The following PHEX variants were observed in gnomAD, a reference collection of about 807,000 sequenced individuals.
PHEX encodes phosphate-regulating neutral endopeptidase PHEX.
In PHEX, 16 loss-of-function variants were observed where a neutral mutation model predicts 68.0. That is an observed-to-expected ratio of 0.24 (90% confidence interval 0.16 to 0.36). PHEX has a LOEUF of 0.36. Among genes scored for constraint, PHEX ranks in the 10% least tolerant of loss-of-function variants. PHEX has a pLI of 1.00. For missense variants in PHEX, 480 were observed against 575.5 expected (o/e 0.83, Z 1.70); for synonymous variants, 208 against 205.1 (o/e 1.01, Z -0.12).
intron 16 of PHEX, among the ~76,000 whole-genome samples, chrX:22,218,346 G>A (rs185242530): frequency 9.0e-6 from 1 of 111,538 alleles, no homozygotes; most frequent in East Asian, 2.8e-4. Flanking sequence ...GAAATAGATT[G>A]TCTCTTGATG....
intron 9 of PHEX, among the ~76,000 whole-genome samples, chrX:22,110,022 C>A (rs976269359): frequency 1.8e-5 from 2 of 111,852 alleles, no homozygotes; most frequent in African/African-American, 3.3e-5. Context: ...TCGAAACTCA[C>A]ATATTTAGTA....
intron 11 of PHEX, 36 bp from the exon 12 acceptor site, chrX:22,133,487 G>A (rs976074411): frequency 9.1e-7 from 1 of 1,095,081 alleles, no homozygotes; most frequent in Non-Finnish European, 1.3e-6. Context: ...GAAGCTTCTT[G>A]GCTTTGACGT....
In PHEX at chrX:22,241,938, T is replaced by G. The variant is rs1301768806; in HGVS notation, c.2071-3395T>G. 3.6e-5 allele frequency among the ~76,000 whole-genome samples: 4 copies of G among 112,024 alleles called. No homozygotes were observed. In the South Asian group the frequency reaches 1.1e-3, roughly 32 times the overall value. On this transcript the variant is annotated intron_variant, in intron 20 of 21. Transcript: ENST00000379374. ...CCTAACTCATTTTATGAGGCCAGCG[T>G]GATCCTGATACCAAAACCTGGCAGA... is the stretch of plus-strand genomic sequence containing the variant.
chrX:22,170,183 A>G (rs1933474912), intron 13 of PHEX, among the ~76,000 whole-genome samples: 1 of 112,297 alleles, frequency 8.9e-6, no homozygotes, highest in Non-Finnish European at 1.9e-5. Context: ...AGGCAAGAAA[A>G]GGGAAAATAG....
At chrX:22,157,010 G>A (rs756469793) in intron 12 of PHEX, among the ~76,000 whole-genome samples, 2 of 111,091 alleles carry the variant, frequency 1.8e-5, no homozygotes, top group Non-Finnish European at 3.8e-5. Context: ...GGCCTCCCAG[G>A]TAGCTGGGAT....
intron 12 of PHEX, among the ~76,000 whole-genome samples, chrX:22,138,175 C>T (rs1022773289): frequency 8.9e-6 from 1 of 112,959 alleles, no homozygotes; most frequent in Admixed American, 9.3e-5. Context: ...CTGGGGGATT[C>T]CCAACTAGGA....
intron 15 of PHEX, among the ~76,000 whole-genome samples, chrX:22,195,062 G>A (rs1429498552): frequency 9.0e-6 from 1 of 111,593 alleles, no homozygotes; most frequent in Non-Finnish European, 1.9e-5. Context: ...CCTTAGTCGA[G>A]GTTTTTATCC....
chrX:22,176,402 A>C, intron 13 of PHEX, among the ~76,000 whole-genome samples: 1 of 57,843 alleles, frequency 1.7e-5, no homozygotes, highest in South Asian at 8.9e-4. Context: ...AAAAAAAAAA[A>C]ATATATATAT....
At chrX:22,194,923 G>A (rs992025978) in intron 15 of PHEX, among the ~76,000 whole-genome samples, 4 of 112,537 alleles carry the variant, frequency 3.6e-5, no homozygotes, top group Non-Finnish European at 5.6e-5. Context: ...GAATAAGGTG[G>A]TTAAAGAGGA....
At chrX:22,185,324 T>A (rs1933993936) in intron 14 of PHEX, among the ~76,000 whole-genome samples, 1 of 112,369 alleles carries the variant, frequency 8.9e-6, no homozygotes, top group Non-Finnish European at 1.9e-5. Context: ...GATTTAGTGA[T>A]CTTCTGTTCA....
In PHEX at chrX:22,212,874, A is replaced by G. The variant is rs1569429016; in HGVS notation, c.1646-30A>G. 6 of 1,120,982 alleles carry G rather than the reference A, an allele frequency of 5.4e-6. No individual in the cohort carries two copies. In the South Asian group the frequency reaches 7.3e-5, roughly 14 times the overall value. 92.4% of individuals were successfully genotyped at this position (1,120,982 alleles called of 1,213,427 possible). On this transcript the variant is annotated intron_variant, in intron 15 of 21. Transcript: ENST00000379374. ...TACTCATCATTGAATCAATCTCTCTATATCTCTTAACATTTTTTCCTTCTC... is the reference window on the plus strand; with the variant it reads ...TACTCATCATTGAATCAATCTCTCTGTATCTCTTAACATTTTTTCCTTCTC...
chrX:22,156,722 T>TG (rs1189937534), intron 12 of PHEX, among the ~76,000 whole-genome samples: 2 of 110,840 alleles, frequency 1.8e-5, no homozygotes, highest in African/African-American at 6.6e-5. Flanking sequence ...CTTAGCTAAT[T>TG]GAGGCTTAGG....
At position 22,249,442 on chromosome X, in the gene PHEX, TAAAAAAA is replaced by T. The variant is rs540966419; in HGVS notation, c.*1497_*1503del. The T allele has an allele frequency of 2.6e-5, 1 of 38,699 alleles. No individual in the cohort carries two copies. Among genetic ancestry groups the T allele is most frequent in the African/African-American group, 1.7e-4 (1 of 5,949 alleles). The allele number at this position is 38,699 out of a possible 1,213,427, so 3.2% of individuals were successfully genotyped here. A position where few individuals can be genotyped will look rare whatever the true frequency, so the allele number is the denominator to read the frequency against. ...GTGTCCCTGTGATTTGTGATTCTTT[TAAAAAAA>T]AAAAAAATATATATATATATATATA... On this transcript the variant is annotated 3_prime_UTR_variant, in exon 22 of 22. Coordinates refer to ENST00000379374, the MANE Select transcript of PHEX (RefSeq NM_000444.6).
At chrX:22,044,942 C>T (rs1927457087) in intron 2 of PHEX, among the ~76,000 whole-genome samples, 1 of 109,079 alleles carries the variant, frequency 9.2e-6, no homozygotes, top group African/African-American at 3.3e-5. Context: ...AAGTGATCTG[C>T]CCACCTCAGA....
rs192629395 is a variant in PHEX, at chrX:22,241,853, G to A, written c.2071-3480G>A. Among the ~76,000 whole-genome samples the A allele has an allele frequency of 2.7e-5, 3 of 112,209 alleles. No homozygotes were observed. In the Admixed American group the frequency reaches 2.8e-4, roughly 11 times the overall value. ...AGCCGAATTCGACCAGAGGTACAAAGAGGAGCTGGCACCATTCCTTCTGAA... is the reference window on the plus strand; with the variant it reads ...AGCCGAATTCGACCAGAGGTACAAAAAGGAGCTGGCACCATTCCTTCTGAA... On this transcript the variant is annotated intron_variant, in intron 20 of 21. Coordinates refer to ENST00000379374, the MANE Select transcript of PHEX (RefSeq NM_000444.6).
rs1051297293 is a variant in PHEX at position 22,133,547 on chromosome X, C to T, written c.1327C>T (p.Arg443Cys). ...GATGGAGGAATTGGTTGAGGGCGTT[C>T]GCTGGGCCTTTATTGACATGCTAGA... Reference protein sequence around the residue: ...EMMEELVEGVRWAFIDMLEKE... With the variant: ...EMMEELVEGVCWAFIDMLEKE... Residue 443 changes from arginine (R) to cysteine (C), a missense_variant, in exon 12 of 22, where the codon CGC becomes TGC. Physicochemically the swap from Arg to Cys is radical, Grantham distance 180. Transcript: ENST00000379374. 6 of 1,206,001 alleles carry T rather than the reference C, an allele frequency of 5.0e-6. No homozygotes were observed. Among genetic ancestry groups the T allele is most frequent in the East Asian group, 3.0e-5 (1 of 33,743 alleles).
intron 15 of PHEX, among the ~76,000 whole-genome samples, chrX:22,202,000 C>T (rs1379168965): frequency 9.0e-6 from 1 of 111,527 alleles, no homozygotes; most frequent in African/African-American, 3.3e-5. Context: ...AAAAGGAGTT[C>T]ATATTTATTG....
At chrX:22,216,482 T>C (rs749134153) in intron 16 of PHEX, among the ~76,000 whole-genome samples, 104 of 92,728 alleles carry the variant, frequency 1.1e-3, no homozygotes, top group African/African-American at 4.4e-3. Context: ...GGCGAGTTTA[T>C]TTTTTTATGC....
At chrX:22,211,196 C>G (rs1231129611) in intron 15 of PHEX, among the ~76,000 whole-genome samples, 1 of 112,145 alleles carries the variant, frequency 8.9e-6, no homozygotes, top group Non-Finnish European at 1.9e-5. Context: ...TCCCACTCAT[C>G]TGCACTCAAT....
Sources: gnomAD v4.1 joint callset for allele counts (sites outside exome capture counted in the v4.1 genomes callset) on GRCh38, gnomAD v4.1.1 for gene constraint, MANE v1.5 for transcripts, NCBI Gene and HGNC (gene_info 2026-07-23, HGNC 2026-07-21) for gene names.